Variants in ATRNL1 observed in about 807,000 individuals in gnomAD.
The protein encoded by ATRNL1 is attractin like 1.
ATRNL1 carries 95 observed loss-of-function variants against 182.7 expected under a neutral mutation model. The ratio of observed to expected loss-of-function variants is 0.52; its 90% CI spans 0.44 to 0.62. ATRNL1 has a LOEUF of 0.62. Ranked by LOEUF, ATRNL1 falls within the 20% of genes least tolerant of loss-of-function variation. ATRNL1 has a pLI of 0.00. For synonymous variants in ATRNL1, 576 were observed against 568.3 expected, an observed-to-expected ratio of 1.01 and a Z score of -0.19; for missense variants, 1,471 against 1,679.5, an observed-to-expected ratio of 0.88 and a Z score of 2.17.
chr10:115,100,480 G>T (rs1347125400), intron 1 of ATRNL1, among the ~76,000 whole-genome samples: 2 of 151,944 alleles, frequency 1.3e-5, no homozygotes, highest in Admixed American at 1.3e-4. Context: ...TTGGCATATA[G>T]GTATTTGTTT....
intron 21 of ATRNL1, among the ~76,000 whole-genome samples, chr10:115,456,058 A>G (rs1847508230): frequency 6.6e-6 from 1 of 152,176 alleles, no homozygotes; most frequent in South Asian, 2.1e-4. Flanking sequence ...TAGTTCAACC[A>G]TTGTGAAAGA....
chr10:115,515,932 C>T (rs1208837833), intron 24 of ATRNL1, among the ~76,000 whole-genome samples: 1 of 151,842 alleles, frequency 6.6e-6, no homozygotes, highest in Non-Finnish European at 1.5e-5. Context: ...CTCCCACCTA[C>T]CTTTCCACTT....
At chr10:115,676,801 A>G (rs1220112981) in intron 26 of ATRNL1, among the ~76,000 whole-genome samples, 2 of 152,018 alleles carry the variant, frequency 1.3e-5, no homozygotes, top group African/African-American at 4.8e-5. Context: ...AAACAAGCAG[A>G]GCAGGATGGC....
chr10:115,142,597 GA>G (rs1359728117), intron 5 of ATRNL1, among the ~76,000 whole-genome samples: 2 of 152,194 alleles, frequency 1.3e-5, no homozygotes, highest in Non-Finnish European at 2.9e-5. Flanking sequence ...GGGAGCCATT[GA>G]AGGATTTTGA....
chr10:115,426,438 T>C, intron 21 of ATRNL1, 136 bp downstream of exon 21: 3 of 584,674 alleles, frequency 5.1e-6, no homozygotes, highest in Non-Finnish European at 8.9e-6. Context: ...AATACAACTT[T>C]ACGTATATTG....
At chr10:115,338,806 C>G (rs79652102) in intron 19 of ATRNL1, among the ~76,000 whole-genome samples, 6,086 of 152,214 alleles carry the variant, frequency 0.04, 176 homozygotes, top group South Asian at 0.081. Context: ...TTGGCCCAGA[C>G]CAATGTCCTG....
At chr10:115,121,198 T>C (rs1046773212) in intron 2 of ATRNL1, among the ~76,000 whole-genome samples, 2 of 152,062 alleles carry the variant, frequency 1.3e-5, no homozygotes, top group Non-Finnish European at 1.5e-5. Flanking sequence ...CTGCAGCCTC[T>C]GCCTCCTGAG....
At chr10:115,161,171 T>G (rs879957585) in intron 6 of ATRNL1, among the ~76,000 whole-genome samples, 9 of 151,986 alleles carry the variant, frequency 5.9e-5, no homozygotes, top group Non-Finnish European at 1.3e-4. Context: ...ACTGAATATA[T>G]TAACCCTCAT....
At position 115,387,468 on chromosome 10, in the gene ATRNL1, T is replaced by A. The variant is rs547708654; in HGVS notation, c.3176-7191T>A. On this transcript the variant is annotated intron_variant, in intron 19 of 28. Transcript: ENST00000355044. The stretch of plus-strand genomic sequence containing the variant: ...ATAATTGTTTTCTATTGAGGTACAA[T>A]TCAGGTAACACAAAATTATTATGAA... 2.0e-5 allele frequency among the ~76,000 whole-genome samples: 3 copies of A among 152,324 alleles called. No homozygotes were observed. The South Asian group carries it at 6.2e-4, about 32-fold the overall frequency.
intron 27 of ATRNL1, among the ~76,000 whole-genome samples, chr10:115,824,430 G>A (rs1461827987): frequency 6.6e-6 from 1 of 152,090 alleles, no homozygotes; most frequent in Non-Finnish European, 1.5e-5. Context: ...TGGAAAATGG[G>A]ATCTAATTAA....
intron 28 of ATRNL1, among the ~76,000 whole-genome samples, chr10:115,913,199 C>T (rs1489890425): frequency 1.3e-5 from 2 of 152,198 alleles, no homozygotes; most frequent in African/African-American, 4.8e-5. Flanking sequence ...TTCTTTTTCA[C>T]ATACAGAACA....
chr10:115,443,697 C>T (rs941712733), intron 21 of ATRNL1, among the ~76,000 whole-genome samples: 2 of 151,862 alleles, frequency 1.3e-5, no homozygotes, highest in Non-Finnish European at 2.9e-5. Flanking sequence ...ATTATGGATA[C>T]GCATGTTTCT....
At chr10:115,391,292 G>T (rs1844005497) in intron 19 of ATRNL1, among the ~76,000 whole-genome samples, 1 of 152,082 alleles carries the variant, frequency 6.6e-6, no homozygotes, top group Non-Finnish European at 1.5e-5. Context: ...GTTAGCTGTG[G>T]GTATATCATA....
At chr10:115,674,312 G>C (rs1593047722) in intron 26 of ATRNL1, among the ~76,000 whole-genome samples, 2 of 152,154 alleles carry the variant, frequency 1.3e-5, no homozygotes, top group South Asian at 4.1e-4. Flanking sequence ...CGGAGCTTTA[G>C]ATAGCCTAGA....
At chr10:115,872,936 A>AGCT (rs1178324133) in intron 28 of ATRNL1, among the ~76,000 whole-genome samples, 1 of 152,250 alleles carries the variant, frequency 6.6e-6, no homozygotes, top group Admixed American at 6.5e-5. Context: ...ATTACAGCAT[A>AGCT]GCTGCTCCTC....
intron 27 of ATRNL1, among the ~76,000 whole-genome samples, chr10:115,764,595 G>A (rs1376264936): frequency 2.0e-5 from 3 of 152,116 alleles, no homozygotes; most frequent in East Asian, 3.9e-4. Flanking sequence ...GTGATAATAT[G>A]TAGACTTTTC....
intron 19 of ATRNL1, among the ~76,000 whole-genome samples, chr10:115,384,918 C>A (rs1554952201): frequency 6.6e-6 from 1 of 151,126 alleles, no homozygotes; most frequent in Non-Finnish European, 1.5e-5. Context: ...TTCCATCACA[C>A]CTGGTTTTTT....
chr10:115,183,187 G>A (rs1847812554), intron 8 of ATRNL1, among the ~76,000 whole-genome samples: 1 of 151,314 alleles, frequency 6.6e-6, no homozygotes. Context: ...GACAGTAAAA[G>A]CAACACATAT....
intron 26 of ATRNL1, among the ~76,000 whole-genome samples, chr10:115,643,209 G>C (rs1555031068): frequency 6.6e-6 from 1 of 152,104 alleles, no homozygotes; most frequent in Non-Finnish European, 1.5e-5. Flanking sequence ...AAGATGCAAA[G>C]GTGTTTCAAT....
Sources: gnomAD v4.1 joint callset for allele counts (sites outside exome capture counted in the v4.1 genomes callset) on GRCh38, gnomAD v4.1.1 for gene constraint, MANE v1.5 for transcripts, NCBI Gene and HGNC (gene_info 2026-07-23, HGNC 2026-07-21) for gene names.